The following ASPM variants were observed in gnomAD, a reference collection of about 807,000 sequenced individuals.
The protein encoded by ASPM is abnormal spindle-like microcephaly-associated protein.
A neutral mutation model predicts 366.4 loss-of-function variants in ASPM; 256 were observed. The ratio of observed to expected loss-of-function variants is 0.70; its 90% CI spans 0.63 to 0.77. ASPM has a LOEUF of 0.77. Among genes scored for constraint, ASPM ranks in the 30% least tolerant of loss-of-function variants. The pLI, the probability that ASPM is intolerant of heterozygous loss-of-function variation, is 0.00. For synonymous variants in ASPM, 1,414 were observed against 1,342.9 expected (o/e 1.05, Z -1.16); for missense variants, 4,146 against 4,090.4 (o/e 1.01, Z -0.37).
At chr1:197,111,199 G>A (rs891950305) in intron 17 of ASPM, among the ~76,000 whole-genome samples, 1 of 151,926 alleles carries the variant, frequency 6.6e-6, no homozygotes, top group Admixed American at 6.6e-5. Flanking sequence ...TCTAACAAAG[G>A]TCTAATATTC....
intron 16 of ASPM, among the ~76,000 whole-genome samples, chr1:197,119,850 GTT>G (rs1657850987): frequency 6.6e-6 from 1 of 152,076 alleles, no homozygotes; most frequent in Non-Finnish European, 1.5e-5. Context: ...CATAATAAAA[GTT>G]TGAGCCACTC....
Position 197,122,474 on chromosome 1 carries a change from C to T in ASPM, c.3512G>A (p.Cys1171Tyr), listed in dbSNP as rs567065576. Reference sequence around the variant, plus strand: ...TAATACCACTGAACCAGTTTGCGTACATTCCACAGTTTGAGTAGTACGCTG... The same window carrying T: ...TAATACCACTGAACCAGTTTGCGTATATTCCACAGTTTGAGTAGTACGCTG... ...ICQRTTQTVE[C>Y]TQTGSVVLNS... is the part of the protein sequence containing the mutation. The change falls in exon 14 of 28, where the codon TGT becomes TAT. Residue 1171 changes from cysteine (C) to tyrosine (Y), a missense_variant. Transcript: ENST00000367409. 1.9e-6 allele frequency: 3 copies of T among 1,613,846 alleles called. No individual in the cohort carries two copies. Among genetic ancestry groups the T allele is most frequent in the East Asian group, 4.5e-5 (2 of 44,868 alleles).
chr1:197,124,559 G>A (rs1658024807), intron 12 of ASPM, among the ~76,000 whole-genome samples: 2 of 150,812 alleles, frequency 1.3e-5, no homozygotes, highest in Admixed American at 1.3e-4. Context: ...GTGATAAAAT[G>A]TTTAGTGGTT....
At chr1:197,117,470 C>T (rs1262762720) in intron 17 of ASPM, among the ~76,000 whole-genome samples, 1 of 152,016 alleles carries the variant, frequency 6.6e-6, no homozygotes, top group South Asian at 2.1e-4. Flanking sequence ...TAAAAAAGAA[C>T]CTGGTTGGTT....
In ASPM at chr1:197,102,575, T is replaced by C. The variant is rs780110448; in HGVS notation, c.6676A>G (p.Met2226Val). ...TGAAATTGTATGTTTCTTTCTTTCATTGCCCAGTATCTTTGCTGTACTGTT... is the reference window on the plus strand; with the variant it reads ...TGAAATTGTATGTTTCTTTCTTTCACTGCCCAGTATCTTTGCTGTACTGTT... ...TKTVQQRYWA[M>V]KERNIQFQRY... is the part of the protein sequence containing the mutation. The change falls in exon 18 of 28, where the codon ATG (methionine) becomes GTG (valine). Residue 2226 changes from methionine (M) to valine (V), a missense_variant. Around this residue, in one of 3 missense-constraint regions of ASPM, gnomAD observed 3,624 missense variants for 3,591.7 expected, o/e 1.01. Transcript: ENST00000367409. 8.1e-6 allele frequency: 13 copies of C among 1,612,160 alleles called. No homozygotes were observed. Among genetic ancestry groups the C allele is most frequent in the South Asian group, 5.5e-5 (5 of 91,026 alleles).
Position 197,117,990 on chromosome 1 carries a change from TAAAAA to T in ASPM, c.3871-12_3871-8del. The T allele has an allele frequency of 6.2e-7, 1 of 1,611,248 alleles. No individual in the cohort carries two copies. The highest frequency in any genetic ancestry group is 8.5e-7 in the Non-Finnish European group (1 of 1,177,904). ...TTGCAGCTTTCTCTCTCTCCTAAAA[TAAAAA>T]AGTCAGCAAATGTAAATTAAACACT... is the stretch of plus-strand genomic sequence containing the variant. On this transcript the variant is annotated splice_region_variant and splice_polypyrimidine_tract_variant and intron_variant, in intron 16 of 27. Transcript: ENST00000367409.
rs1450711649 is a variant in ASPM, at chr1:197,088,529, A to C, written c.9985-97T>G. On this transcript the variant is annotated intron_variant, in intron 25 of 27. Transcript: ENST00000367409. ...CAAAATACAAAAGTCCATACTTAGT[A>C]TAGCCAAATTTTTGGACCACCTGCA... 4 of 1,210,822 alleles carry C rather than the reference A, an allele frequency of 3.3e-6. No individual in the cohort carries two copies. The African/African-American group carries it at 6.1e-5, about 19-fold the overall frequency. 75.0% of individuals were successfully genotyped at this position (1,210,822 alleles called of 1,614,324 possible). A position where few individuals can be genotyped will look rare whatever the true frequency, so the allele number is the denominator to read the frequency against.
At chr1:197,110,321 A>G (rs780316004) in intron 17 of ASPM, among the ~76,000 whole-genome samples, 13 of 152,096 alleles carry the variant, frequency 8.5e-5, no homozygotes, top group Non-Finnish European at 1.6e-4. Flanking sequence ...TGTGGAAAGA[A>G]TAGTTTTTTA....
At position 197,122,055 on chromosome 1, in the gene ASPM, C is replaced by G. The variant is rs748824950; in HGVS notation, c.3742-12G>C. 2 of 1,610,616 alleles carry G rather than the reference C, an allele frequency of 1.2e-6. No homozygotes were observed. Among genetic ancestry groups the G allele is most frequent in the Non-Finnish European group, 1.7e-6 (2 of 1,177,780 alleles). On this transcript the variant is annotated splice_polypyrimidine_tract_variant and intron_variant, in intron 15 of 27. Coordinates refer to ENST00000367409, the MANE Select transcript of ASPM (RefSeq NM_018136.5). ...TAGGTAATAACCACCTAAAAAAAAC[C>G]CACAAAAGATAAAAACAGAATATCA...
chr1:197,101,842 C>T lies in ASPM; in HGVS notation c.7409G>A (p.Arg2470Lys). The T allele has an allele frequency of 6.2e-7, 1 of 1,612,828 alleles. No homozygotes were observed. The highest frequency in any genetic ancestry group is 1.1e-5 in the South Asian group (1 of 91,066). Residue 2470 changes from arginine to lysine, a missense_variant, in exon 18 of 28, where the codon AGA (arginine) becomes AAA (lysine). Arg to Lys is a conservative substitution (Grantham distance 26). Transcript: ENST00000367409. ...AAITIQSSYR[R>K]LMVKKKLQEM... ...TTGTAACTTCTTCTTTACCATCAGT[C>T]TTCTGTAAGATGACTGTATTGTAAT...
chr1:197,116,774 A>T (rs992897958), intron 17 of ASPM, among the ~76,000 whole-genome samples: 1 of 152,158 alleles, frequency 6.6e-6, no homozygotes, highest in African/African-American at 2.4e-5. Flanking sequence ...AACGCTGATA[A>T]ATCTCAAAAA....
chr1:197,137,981 T>A (rs544986616), intron 4 of ASPM, among the ~76,000 whole-genome samples: 21 of 152,208 alleles, frequency 1.4e-4, no homozygotes, highest in Admixed American at 7.9e-4. Context: ...TAATAAAAAC[T>A]ATCAAGAAAT....
intron 27 of ASPM, among the ~76,000 whole-genome samples, chr1:197,085,522 G>C (rs1045074622): frequency 6.6e-6 from 1 of 152,294 alleles, no homozygotes; most frequent in South Asian, 2.1e-4. Flanking sequence ...CAATTGGTGA[G>C]TGAACAAAGT....
chr1:197,093,399 A>G (rs1253815301), intron 20 of ASPM, 138 bp from the exon 21 acceptor site: 2 of 795,120 alleles, frequency 2.5e-6, no homozygotes, highest in South Asian at 1.5e-5. Context: ...ATAGATATGA[A>G]ATGATGATGA....
At chr1:197,118,674 T>A (rs1657812919) in intron 16 of ASPM, among the ~76,000 whole-genome samples, 1 of 152,074 alleles carries the variant, frequency 6.6e-6, no homozygotes, top group Non-Finnish European at 1.5e-5. Flanking sequence ...TCATGAACAA[T>A]CCATTTAAAT....
chr1:197,097,061 G>C (rs1283784923), intron 18 of ASPM, among the ~76,000 whole-genome samples: 2 of 151,626 alleles, frequency 1.3e-5, no homozygotes, highest in African/African-American at 2.4e-5. Flanking sequence ...TCAGTTGTAT[G>C]TAAGAAAACC....
chr1:197,126,637 T>A (rs1658101018), intron 10 of ASPM, among the ~76,000 whole-genome samples: 1 of 152,112 alleles, frequency 6.6e-6, no homozygotes, highest in Non-Finnish European at 1.5e-5. Context: ...GTGAAATATT[T>A]TAAGCAAAAT....
At chr1:197,107,377 C>T (rs1163410876) in intron 17 of ASPM, among the ~76,000 whole-genome samples, 1 of 152,090 alleles carries the variant, frequency 6.6e-6, no homozygotes. Flanking sequence ...ACTGAAGCTA[C>T]GCTCATGGAA....
At chr1:197,123,846 C>A (rs1356906316) in intron 13 of ASPM, among the ~76,000 whole-genome samples, 2 of 151,998 alleles carry the variant, frequency 1.3e-5, no homozygotes, top group Admixed American at 6.6e-5. Flanking sequence ...TCTTTTATGT[C>A]CCAGTTCTAT....
Sources: gnomAD v4.1 joint callset for allele counts (sites outside exome capture counted in the v4.1 genomes callset) on GRCh38, gnomAD v4.1.1 for gene constraint, gnomAD v4.1.1 regional missense constraint, MANE v1.5 for transcripts, NCBI Gene and HGNC (gene_info 2026-07-23, HGNC 2026-07-21) for gene names.